NBEA: variants seen among roughly 807,000 people sequenced by gnomAD.
NBEA encodes lysosomal-trafficking regulator 2.
A neutral mutation model predicts 343.4 loss-of-function variants in NBEA; 44 were observed. The observed-to-expected ratio is 0.13, with a 90% CI of 0.10 to 0.16. The LOEUF (loss-of-function observed/expected upper bound fraction) is 0.16, where lower values mean the gene tolerates loss of function less well. NBEA is among the 10% of genes least tolerant of loss of function. The probability of loss-of-function intolerance (pLI) is 1.00; values close to 1 mark genes in which losing one functional copy is unlikely to be tolerated. For missense variants in NBEA, 2,555 were observed against 3,631.3 expected, an observed-to-expected ratio of 0.70 and a Z score of 7.62; for synonymous variants, 1,175 against 1,238.7, an observed-to-expected ratio of 0.95 and a Z score of 1.08.
At chr13:35,209,156 A>T (rs1333521727) in intron 32 of NBEA, among the ~76,000 whole-genome samples, 3 of 152,152 alleles carry the variant, frequency 2.0e-5, no homozygotes, top group Non-Finnish European at 4.4e-5. Flanking sequence ...TAATTTGAAC[A>T]CTGAAGTTTG....
intron 1 of NBEA, among the ~76,000 whole-genome samples, chr13:34,973,316 T>C (rs529272340): frequency 3.3e-5 from 5 of 152,092 alleles, no homozygotes; most frequent in Non-Finnish European, 7.4e-5. Flanking sequence ...GGCCACACTT[T>C]CATAGAGCAG....
intron 38 of NBEA, among the ~76,000 whole-genome samples, chr13:35,354,039 T>C (rs2040352420): frequency 1.3e-5 from 2 of 152,168 alleles, no homozygotes; most frequent in South Asian, 4.1e-4. Context: ...GTTGATTGGA[T>C]GAGCCTTTCC....
intron 30 of NBEA, among the ~76,000 whole-genome samples, chr13:35,191,466 C>G (rs761352801): frequency 4.5e-4 from 68 of 152,138 alleles, no homozygotes; most frequent in Middle Eastern, 6.8e-3. Flanking sequence ...TTTTCATACA[C>G]TTAGTGTAGC....
chr13:35,118,371 A>G lies in NBEA; in HGVS notation c.2146-6A>G. On this transcript the variant is annotated splice_region_variant and splice_polypyrimidine_tract_variant and intron_variant, in intron 15 of 58. Transcript: ENST00000379939. ...AATTTTAAATCAACATTGGTGATTT[A>G]TGCAGGATGAAAATATTCATGATGT... 1 of 1,599,114 alleles carries G rather than the reference A, an allele frequency of 6.3e-7. No individual in the cohort carries two copies. The highest frequency in any genetic ancestry group is 2.3e-5 in the East Asian group (1 of 44,384).
intron 33 of NBEA, among the ~76,000 whole-genome samples, chr13:35,214,299 T>G (rs2073947863): frequency 6.6e-6 from 1 of 152,002 alleles, no homozygotes; most frequent in African/African-American, 2.4e-5. Context: ...AAGTGTATGC[T>G]TAACCATTTG....
intron 38 of NBEA, among the ~76,000 whole-genome samples, chr13:35,422,219 A>G (rs1331325121): frequency 1.3e-5 from 2 of 150,834 alleles, no homozygotes; most frequent in African/African-American, 4.9e-5. Flanking sequence ...ACATATGTAT[A>G]CACGTGCCAT....
chr13:35,206,625 T>C (rs1373451883), intron 31 of NBEA, among the ~76,000 whole-genome samples: 3 of 148,946 alleles, frequency 2.0e-5, no homozygotes, highest in Non-Finnish European at 4.5e-5. Flanking sequence ...GCCTTATATC[T>C]CATAGACAAA....
chr13:35,235,432 GTA>G (rs145418050), intron 34 of NBEA, among the ~76,000 whole-genome samples: 3,559 of 152,202 alleles, frequency 0.023, 54 homozygotes, highest in Non-Finnish European at 0.037. Flanking sequence ...TTACAGAAAT[GTA>G]TAAATACTGA....
At chr13:35,369,809 T>A (rs1449531524) in intron 38 of NBEA, among the ~76,000 whole-genome samples, 1 of 152,014 alleles carries the variant, frequency 6.6e-6, no homozygotes, top group African/African-American at 2.4e-5. Flanking sequence ...ATGGTTTGAT[T>A]TCTTCTTTTC....
rs572284007 is a variant in NBEA at position 35,319,168 on chromosome 13, T to C, written c.5903+9576T>C. 5.5e-4 allele frequency among the ~76,000 whole-genome samples: 84 copies of C among 152,300 alleles called. 1 individual carries two copies. The highest frequency in any genetic ancestry group is 4.1e-3 in the South Asian group (20 of 4,830). On this transcript the variant is annotated intron_variant, in intron 36 of 58. Transcript: ENST00000379939. ...GCTTTTGAATTTGCTTTTGCTTCTTTAGTTCTTTCAATTGTGATGTTAGGG... is the reference window on the plus strand; with the variant it reads ...GCTTTTGAATTTGCTTTTGCTTCTTCAGTTCTTTCAATTGTGATGTTAGGG...
intron 16 of NBEA, among the ~76,000 whole-genome samples, chr13:35,121,484 T>G (rs1416208558): frequency 1.4e-5 from 2 of 140,716 alleles, no homozygotes; most frequent in African/African-American, 5.5e-5. Context: ...CTTGAATGTG[T>G]TTTTTTTTTT....
chr13:35,536,738 G>A (rs2078571733), intron 41 of NBEA, among the ~76,000 whole-genome samples: 2 of 152,318 alleles, frequency 1.3e-5, no homozygotes, highest in South Asian at 4.1e-4. Context: ...AGTCGTGGAT[G>A]CTGTCAAAAA....
At chr13:35,582,313 A>C (rs2153037326) in intron 45 of NBEA, among the ~76,000 whole-genome samples, 1 of 152,226 alleles carries the variant, frequency 6.6e-6, no homozygotes, top group South Asian at 2.1e-4. Flanking sequence ...AATAAAATAA[A>C]AAAATAAAAA....
intron 34 of NBEA, among the ~76,000 whole-genome samples, chr13:35,235,898 A>G (rs759459670): frequency 1.2e-4 from 19 of 152,126 alleles, no homozygotes; most frequent in Non-Finnish European, 2.5e-4. Flanking sequence ...TAATGTAACT[A>G]TGCTAGAAAT....
chr13:34,948,814 G>A (rs2059265010), intron 1 of NBEA, among the ~76,000 whole-genome samples: 1 of 152,062 alleles, frequency 6.6e-6, no homozygotes, highest in East Asian at 1.9e-4. Flanking sequence ...ACTTTTTGGG[G>A]TCTTTGATAC....
At position 35,481,174 on chromosome 13, in the gene NBEA, T is replaced by G. The variant is rs74695333; in HGVS notation, c.6585+8638T>G. The stretch of plus-strand genomic sequence containing the variant: ...GTCACATTTGTAGTGAAGAGTACTT[T>G]TTTTCTCTACAGTGTTGCTTAATAA... On this transcript the variant is annotated intron_variant, in intron 41 of 58. Transcript: ENST00000379939. 8.0e-3 allele frequency among the ~76,000 whole-genome samples: 1,224 copies of G among 152,082 alleles called. 18 individuals carry two copies. Among genetic ancestry groups the G allele is most frequent in the African/African-American group, 0.028 (1,162 of 41,568 alleles).
chr13:35,042,055 T>C (rs1208998316), intron 2 of NBEA, among the ~76,000 whole-genome samples: 1 of 151,944 alleles, frequency 6.6e-6, no homozygotes, highest in African/African-American at 2.4e-5. Context: ...TTTAACATTT[T>C]GGCTTATGCA....
intron 35 of NBEA, among the ~76,000 whole-genome samples, chr13:35,294,999 G>A (rs796964500): frequency 3.1e-4 from 46 of 150,440 alleles, no homozygotes; most frequent in African/African-American, 1.0e-3. Context: ...ACTGGAAGAA[G>A]AATCATCTTG....
intron 34 of NBEA, among the ~76,000 whole-genome samples, chr13:35,275,572 A>G (rs1301190919): frequency 6.6e-6 from 1 of 152,228 alleles, no homozygotes; most frequent in South Asian, 2.1e-4. Context: ...CAGGCAACCT[A>G]CAGAATGGGA....
Sources: allele counts gnomAD v4.1 joint callset (sites outside exome capture counted in the v4.1 genomes callset), GRCh38; gene constraint gnomAD v4.1.1; transcripts MANE v1.5; gene names NCBI Gene and HGNC (gene_info 2026-07-23, HGNC 2026-07-21).